Variants in GOLGB1 observed in about 807,000 individuals in gnomAD.
GOLGB1 encodes golgin B1.
A neutral mutation model predicts 336.9 loss-of-function variants in GOLGB1; 174 were observed. The ratio of observed to expected loss-of-function variants is 0.52; its 90% CI spans 0.46 to 0.59. GOLGB1 has a LOEUF of 0.59. Ranked by LOEUF, GOLGB1 falls within the 20% of genes least tolerant of loss-of-function variation. GOLGB1 has a pLI of 0.00. For missense variants in GOLGB1, 3,331 were observed against 3,645.3 expected, an observed-to-expected ratio of 0.91 and a Z score of 2.22; for synonymous variants, 1,208 against 1,289.2, an observed-to-expected ratio of 0.94 and a Z score of 1.35.
intron 11 of GOLGB1, among the ~76,000 whole-genome samples, 192 bp from the exon 12 acceptor site, chr3:121,700,077 A>T (rs994094948): frequency 6.6e-6 from 1 of 152,134 alleles, no homozygotes; most frequent in Non-Finnish European, 1.5e-5. Flanking sequence ...ATAGAACAGT[A>T]CTAGGTGATG....
chr3:121,681,232 T>C (rs2050364162), intron 15 of GOLGB1, among the ~76,000 whole-genome samples: 1 of 152,218 alleles, frequency 6.6e-6, no homozygotes, highest in South Asian at 2.1e-4. Context: ...AAGGGTTATA[T>C]ACTGCAAGAT....
At chr3:121,718,977 A>C (rs1944982012) in intron 7 of GOLGB1, among the ~76,000 whole-genome samples, 2 of 152,214 alleles carry the variant, frequency 1.3e-5, no homozygotes, top group Middle Eastern at 3.2e-3. Flanking sequence ...TATTCTACTT[A>C]ATAATATGTT....
At chr3:121,710,549 T>G (rs535748766) in intron 10 of GOLGB1, among the ~76,000 whole-genome samples, 1 of 152,256 alleles carries the variant, frequency 6.6e-6, no homozygotes, top group South Asian at 2.1e-4. Context: ...TTTCAACAAA[T>G]GTATTGGGGT....
chr3:121,716,216 A>G (rs1054180240), intron 9 of GOLGB1, among the ~76,000 whole-genome samples: 3 of 152,206 alleles, frequency 2.0e-5, no homozygotes, highest in African/African-American at 7.2e-5. Flanking sequence ...ATAGGCACAT[A>G]TTACTTTTAT....
intron 1 of GOLGB1, among the ~76,000 whole-genome samples, chr3:121,734,084 G>A (rs1051475426): frequency 6.6e-6 from 1 of 152,074 alleles, no homozygotes; most frequent in Admixed American, 6.6e-5. Flanking sequence ...ACAAGGTTAA[G>A]AAAATGAAAA....
intron 14 of GOLGB1, among the ~76,000 whole-genome samples, chr3:121,688,820 C>T (rs1246425433): frequency 1.3e-5 from 2 of 149,364 alleles, no homozygotes; most frequent in African/African-American, 5.0e-5. Flanking sequence ...ATGTGAGGAG[C>T]GCCTCTGCCC....
Position 121,699,762 on chromosome 3 carries a change from T to C in GOLGB1, c.1593+50A>G, listed in dbSNP as rs762207851. 4 of 1,086,680 alleles carry C rather than the reference T, an allele frequency of 3.7e-6. No homozygotes were observed. The South Asian group carries it at 5.7e-5, about 15-fold the overall frequency. 67.3% of individuals were successfully genotyped at this position (1,086,680 alleles called of 1,614,324 possible). A position where few individuals can be genotyped will look rare whatever the true frequency, so the allele number is the denominator to read the frequency against. On this transcript the variant is annotated intron_variant, in intron 12 of 21. Coordinates refer to ENST00000614479, the MANE Select transcript of GOLGB1 (RefSeq NM_001366282.2). ...GGACGTATTTTCATATGAAGCTACC[T>C]TCTCTTAATCTAGCTCATGTTCTGG...
chr3:121,730,983 A>G lies in GOLGB1; in HGVS notation c.-2-10T>C, dbSNP rs1295721165. 9 of 1,608,594 alleles carry G rather than the reference A, an allele frequency of 5.6e-6. No homozygotes were observed. The South Asian group carries it at 8.9e-5, about 16-fold the overall frequency. ...AATCGGCTCAGCATTTCTGTAGGAA[A>G]AGAAGGGGGGAAAAAACCTAAGAAT... On this transcript the variant is annotated splice_polypyrimidine_tract_variant and intron_variant, in intron 1 of 21. Transcript: ENST00000614479.
chr3:121,667,456 C>A lies in GOLGB1; in HGVS notation c.9554+20G>T. ...AGAAAGGATCGGAAGGGAACAGAGG[C>A]TATCTCCTTCAGCCTTTACCGTCTG... On this transcript the variant is annotated intron_variant, in intron 20 of 21. Transcript: ENST00000614479. The A allele has an allele frequency of 6.2e-7, 1 of 1,611,456 alleles. No individual in the cohort carries two copies. The highest frequency in any genetic ancestry group is 1.1e-5 in the South Asian group (1 of 90,868).
intron 10 of GOLGB1, among the ~76,000 whole-genome samples, chr3:121,704,516 G>A (rs1943652385): frequency 6.6e-6 from 1 of 152,130 alleles, no homozygotes; most frequent in South Asian, 2.1e-4. Flanking sequence ...AGTGGCTCAC[G>A]CCTATAATCC....
Position 121,663,205 on chromosome 3 carries a change from T to C in GOLGB1, c.*1275A>G, listed in dbSNP as rs1240394924. 1 of 152,146 alleles carries C rather than the reference T, an allele frequency of 6.6e-6. No homozygotes were observed. The highest frequency in any genetic ancestry group is 2.4e-5 in the African/African-American group (1 of 41,400). The allele number at this position is 152,146 out of a possible 1,614,324, so 9.4% of individuals were successfully genotyped here. On this transcript the variant is annotated 3_prime_UTR_variant, in exon 22 of 22. Coordinates refer to ENST00000614479, the MANE Select transcript of GOLGB1 (RefSeq NM_001366282.2). ...CACACACATACACACAAACTCTTCA[T>C]TCTGAAAATAATTTTATTATTTTAC... is the stretch of plus-strand genomic sequence containing the variant.
chr3:121,698,454 T>G lies in GOLGB1; in HGVS notation c.2069A>C (p.Glu690Ala), dbSNP rs1226957934. ...AATTTGACTTTTTAACCTTTCCAAC[T>G]CATCCTGATGACACTGACCAATATC... Reference protein sequence around the residue: ...VPDIGQCHQDELERLKSQILE... With the variant: ...VPDIGQCHQDALERLKSQILE... Residue 690 changes from glutamate (E) to alanine (A), a missense_variant, in exon 13 of 22, where the codon GAG becomes GCG. Coordinates refer to ENST00000614479, the MANE Select transcript of GOLGB1 (RefSeq NM_001366282.2). 6.2e-7 allele frequency: 1 copy of G among 1,613,780 alleles called. No individual in the cohort carries two copies. The highest frequency in any genetic ancestry group is 1.3e-5 in the African/African-American group (1 of 74,918).
rs140133216 is a variant in GOLGB1, at chr3:121,704,418, G to A, written c.1405-1823C>T. ...TTTACATACAGAGAAACAATAATTC[G>A]AATGACTACTGACCAATTGTTAGGG... On this transcript the variant is annotated intron_variant, in intron 10 of 21. Transcript: ENST00000614479. Among the ~76,000 whole-genome samples the A allele has an allele frequency of 2.0e-4, 30 of 152,156 alleles. No individual in the cohort carries two copies. The East Asian group carries it at 4.0e-3, about 21-fold the overall frequency.
intron 1 of GOLGB1, among the ~76,000 whole-genome samples, chr3:121,748,200 C>T (rs1214546508): frequency 1.3e-5 from 2 of 152,116 alleles, no homozygotes; most frequent in Non-Finnish European, 1.5e-5. Flanking sequence ...AGTATCTTTA[C>T]GTGATTGTCA....
chr3:121,717,140 C>A lies in GOLGB1; in HGVS notation c.886-1G>T, dbSNP rs1196943980. 13 of 1,586,676 alleles carry A rather than the reference C, an allele frequency of 8.2e-6. No homozygotes were observed. The Admixed American group carries it at 9.3e-5, about 11-fold the overall frequency. The stretch of plus-strand genomic sequence containing the variant: ...TCTGCTGTAACTGCTGAGAGAGAAT[C>A]TAAGAAAAAAGACAAAGTCTCATGA... On this transcript the variant is annotated splice_acceptor_variant, in intron 8 of 21. Coordinates refer to ENST00000614479, the MANE Select transcript of GOLGB1 (RefSeq NM_001366282.2). LOFTEE classifies it high-confidence loss of function.
chr3:121,696,624 G>T lies in GOLGB1; in HGVS notation c.3899C>A (p.Ala1300Glu), dbSNP rs148696334. 5.1e-5 allele frequency: 83 copies of T among 1,613,978 alleles called. No homozygotes were observed. Among genetic ancestry groups the T allele is most frequent in the South Asian group, 3.5e-4 (32 of 91,086 alleles). Residue 1300 changes from alanine (A) to glutamate (E), a missense_variant, in exon 13 of 22, where the codon GCG becomes GAG. Ala to Glu is a moderately radical substitution (Grantham distance 107). Coordinates refer to ENST00000614479, the MANE Select transcript of GOLGB1 (RefSeq NM_001366282.2). Reference protein sequence around the residue: ...CPDWPSHSEDASALQGGTSVA... With the variant: ...CPDWPSHSEDESALQGGTSVA... Reference sequence around the variant, plus strand: ...AGAAGTTCCGCCCTGCAGAGCACTCGCATCTTCAGAATGAGAAGGCCAGTC... The same window carrying T: ...AGAAGTTCCGCCCTGCAGAGCACTCTCATCTTCAGAATGAGAAGGCCAGTC...
chr3:121,691,074 T>G lies in GOLGB1; in HGVS notation c.8290A>C (p.Arg2764=). 6.2e-7 allele frequency: 1 copy of G among 1,614,048 alleles called. No homozygotes were observed. Residue 2764 remains arginine (R), a synonymous_variant, in exon 14 of 22, where the codon AGG becomes CGG. Coordinates refer to ENST00000614479, the MANE Select transcript of GOLGB1 (RefSeq NM_001366282.2). ...TCCTTCAGACTGGCATCATATTTCC[T>G]TTTCAGTTCATCAAGTTCCTCATTG... ...HANEELDELK[R]KYDASLKELA...
intron 14 of GOLGB1, among the ~76,000 whole-genome samples, chr3:121,689,654 A>G (rs2107763320): frequency 6.6e-6 from 1 of 152,252 alleles, no homozygotes; most frequent in African/African-American, 2.4e-5. Context: ...CAATTAAAAA[A>G]AAAAAAAAAA....
intron 11 of GOLGB1, among the ~76,000 whole-genome samples, chr3:121,702,208 A>G (rs1047630911): frequency 1.3e-5 from 2 of 152,162 alleles, no homozygotes; most frequent in Admixed American, 1.3e-4. Flanking sequence ...CATACTTCCT[A>G]TAGGATACGA....
Sources: allele counts gnomAD v4.1 joint callset (sites outside exome capture counted in the v4.1 genomes callset), GRCh38; gene constraint gnomAD v4.1.1; transcripts MANE v1.5; gene names NCBI Gene and HGNC (gene_info 2026-07-23, HGNC 2026-07-21).